Variants in UNC13C observed in about 807,000 individuals in gnomAD.
UNC13C encodes the protein unc-13 homolog C, also known as protein unc-13 homolog C.
UNC13C carries 174 observed loss-of-function variants against 245.4 expected under a neutral mutation model. The observed-to-expected ratio is 0.71, with a 90% CI of 0.63 to 0.80. The LOEUF is 0.80. UNC13C is among the 30% of genes least tolerant of loss of function. The pLI, the probability that UNC13C is intolerant of heterozygous loss-of-function variation, is 0.00. For missense variants in UNC13C, 2,829 were observed against 2,602.9 expected (o/e 1.09, Z -1.89); for synonymous variants, 992 against 895.1 (o/e 1.11, Z -1.93).
At chr15:54,306,083 CAA>C (rs936109057) in intron 13 of UNC13C, among the ~76,000 whole-genome samples, 1 of 151,982 alleles carries the variant, frequency 6.6e-6, no homozygotes, top group Non-Finnish European at 1.5e-5. Flanking sequence ...TCTTTTCAGA[CAA>C]AAGAGTCTGA....
chr15:54,014,613 C>A lies in UNC13C; in HGVS notation c.1710C>A (p.Phe570Leu). ...YSEDFSENQF[F>L]TRTNGSSLLS... ...AAGATTTTTCAGAAAATCAGTTTTTCACTAGAACTAATGGAAGCTCTCTCC... is the reference window on the plus strand; with the variant it reads ...AAGATTTTTCAGAAAATCAGTTTTTAACTAGAACTAATGGAAGCTCTCTCC... The change falls in exon 2 of 33, where the codon TTC (phenylalanine) becomes TTA (leucine). Residue 570 changes from phenylalanine (F) to leucine (L), a missense_variant. Transcript: ENST00000260323. 6.2e-7 allele frequency: 1 copy of A among 1,613,632 alleles called. No homozygotes were observed. Among genetic ancestry groups the A allele is most frequent in the Non-Finnish European group, 8.5e-7 (1 of 1,179,776 alleles).
intron 2 of UNC13C, among the ~76,000 whole-genome samples, chr15:54,125,336 G>A (rs1446499792): frequency 6.6e-6 from 1 of 152,118 alleles, no homozygotes; most frequent in Non-Finnish European, 1.5e-5. Context: ...GGTGGTGGGT[G>A]CCTGTAATTC....
chr15:54,150,766 C>A (rs755791675), intron 4 of UNC13C, among the ~76,000 whole-genome samples: 3 of 152,108 alleles, frequency 2.0e-5, no homozygotes, highest in Admixed American at 6.6e-5. Flanking sequence ...ACCTCACAAC[C>A]CCAGACCCAT....
At chr15:54,301,467 T>A (rs2037580998) in intron 13 of UNC13C, among the ~76,000 whole-genome samples, 1 of 152,054 alleles carries the variant, frequency 6.6e-6, no homozygotes, top group Non-Finnish European at 1.5e-5. Context: ...GGCCCCGGTG[T>A]GTGATGTTCC....
chr15:54,267,405 G>C (rs1022149167), intron 10 of UNC13C, among the ~76,000 whole-genome samples: 2 of 152,064 alleles, frequency 1.3e-5, no homozygotes, highest in African/African-American at 4.8e-5. Flanking sequence ...CCAATCTCAA[G>C]TGGAAAACTT....
chr15:54,331,625 A>G (rs2038438975), intron 14 of UNC13C, among the ~76,000 whole-genome samples: 1 of 152,128 alleles, frequency 6.6e-6, no homozygotes. Flanking sequence ...AAACTGTAAT[A>G]TATTGTCTGG....
Position 54,064,192 on chromosome 15 carries a change from G to C in UNC13C, c.2983+48306G>C, listed in dbSNP as rs574411101. ...AAGGTCAAGTGCAGAAAATTGTTCA[G>C]AGTCACTAACTTAAGGTCATATGGC... On this transcript the variant is annotated intron_variant, in intron 2 of 32. Transcript: ENST00000260323. Among the ~76,000 whole-genome samples, 4 of 152,166 alleles carry C rather than the reference G, an allele frequency of 2.6e-5. No individual in the cohort carries two copies. In the East Asian group the frequency reaches 7.7e-4, roughly 29 times the overall value.
intron 4 of UNC13C, among the ~76,000 whole-genome samples, chr15:54,210,453 G>T (rs1253917829): frequency 6.6e-6 from 1 of 151,798 alleles, no homozygotes; most frequent in Non-Finnish European, 1.5e-5. Context: ...ATTACTTCAT[G>T]ATGAGAGATT....
intron 4 of UNC13C, among the ~76,000 whole-genome samples, chr15:54,198,498 A>C (rs560009240): frequency 5.3e-5 from 8 of 152,288 alleles, no homozygotes; most frequent in African/African-American, 1.9e-4. Context: ...TGCTGGTATC[A>C]ACAGCTGCAA....
intron 2 of UNC13C, among the ~76,000 whole-genome samples, chr15:54,109,498 C>T (rs532430158): frequency 5.9e-5 from 9 of 151,454 alleles, no homozygotes; most frequent in East Asian, 2.0e-4. Context: ...TGCACCACCA[C>T]GCCCAGCTAA....
chr15:54,177,165 C>A (rs367686682), intron 4 of UNC13C, among the ~76,000 whole-genome samples: 5 of 152,184 alleles, frequency 3.3e-5, no homozygotes, highest in Admixed American at 1.3e-4. Flanking sequence ...TAGGACTATA[C>A]CATGCGCATG....
the UNC13C span, among the ~76,000 whole-genome samples, chr15:53,909,758 C>T: frequency 6.6e-4 from 96 of 146,410 alleles, 11 homozygotes; most frequent in South Asian, 2.1e-3. Context: ...CCTTATTTCC[C>T]TCGCTTCTTT....
At chr15:54,500,456 T>C (rs1313868894) in intron 21 of UNC13C, among the ~76,000 whole-genome samples, 1 of 152,082 alleles carries the variant, frequency 6.6e-6, no homozygotes, top group African/African-American at 2.4e-5. Context: ...CAAAACATCT[T>C]TGTTGTCCTG....
intron 4 of UNC13C, among the ~76,000 whole-genome samples, chr15:54,182,594 C>T (rs543721368): frequency 1.3e-5 from 2 of 152,128 alleles, no homozygotes; most frequent in South Asian, 2.1e-4. Context: ...GGTACCAGCT[C>T]TTCTTTGTAC....
At chr15:53,960,845 A>G in the UNC13C span, among the ~76,000 whole-genome samples, 1 of 152,216 alleles carries the variant, frequency 6.6e-6, no homozygotes, top group Non-Finnish European at 1.5e-5. Flanking sequence ...ATATTAAGTT[A>G]CTGTCCCCCA....
chr15:54,551,234 G>A (rs995483674), intron 28 of UNC13C, among the ~76,000 whole-genome samples: 1 of 152,022 alleles, frequency 6.6e-6, no homozygotes, highest in Non-Finnish European at 1.5e-5. Flanking sequence ...TAAGTTGGTT[G>A]TCTCTGCTCT....
chr15:54,068,575 G>T (rs948668061), intron 2 of UNC13C, among the ~76,000 whole-genome samples: 1 of 152,118 alleles, frequency 6.6e-6, no homozygotes, highest in African/African-American at 2.4e-5. Context: ...TTATTATCTG[G>T]TAGTTTACGA....
chr15:54,274,214 A>C (rs1205074492), intron 10 of UNC13C, among the ~76,000 whole-genome samples: 1 of 152,102 alleles, frequency 6.6e-6, no homozygotes, highest in Non-Finnish European at 1.5e-5. Context: ...TAGATATTTG[A>C]CTCCAAATAA....
chr15:54,143,058 T>C lies in UNC13C; in HGVS notation c.3006+18T>C, dbSNP rs367764803. ...ATGAAAAGGTTTTAAATCATACTTA[T>C]TCTTCCCTCCTGAGGAATCTTGTCT... On this transcript the variant is annotated intron_variant, in intron 3 of 32. Transcript: ENST00000260323. The C allele has an allele frequency of 5.6e-6, 9 of 1,607,266 alleles. No homozygotes were observed. The African/African-American group carries it at 1.1e-4, about 19-fold the overall frequency.
Sources: allele counts gnomAD v4.1 joint callset (sites outside exome capture counted in the v4.1 genomes callset), GRCh38; gene constraint gnomAD v4.1.1; transcripts MANE v1.5; gene names NCBI Gene and HGNC (gene_info 2026-07-23, HGNC 2026-07-21).